FGF14: variants seen among roughly 807,000 people sequenced by gnomAD.
The protein encoded by FGF14 is fibroblast growth factor 14, also known as fibroblast growth factor homologous factor 4.
In FGF14, 5 loss-of-function variants were observed where a neutral mutation model predicts 25.5. The observed-to-expected ratio is 0.20, with a 90% CI of 0.10 to 0.41. The LOEUF (loss-of-function observed/expected upper bound fraction) is 0.41, where lower values mean the gene tolerates loss of function less well. Among genes scored for constraint, FGF14 ranks in the 10% least tolerant of loss-of-function variants. The probability of loss-of-function intolerance (pLI) is 1.00; values close to 1 mark genes in which losing one functional copy is unlikely to be tolerated. For synonymous variants in FGF14, 138 were observed against 118.3 expected (o/e 1.17, Z -1.08); for missense variants, 222 against 320.1 (o/e 0.69, Z 2.34).
At chr13:101,950,621 C>T (rs992566846) in intron 1 of FGF14, among the ~76,000 whole-genome samples, 12 of 152,152 alleles carry the variant, frequency 7.9e-5, no homozygotes, top group Non-Finnish European at 1.2e-4. Context: ...TTTGTGTAGT[C>T]ACAACTTCAA....
At position 102,329,750 on chromosome 13, in the gene FGF14, C is replaced by A. The variant is rs181375793; in HGVS notation, c.208+71721G>T. Among the ~76,000 whole-genome samples the A allele has an allele frequency of 3.8e-3, 582 of 152,186 alleles. 4 individuals carry two copies. Among genetic ancestry groups the A allele is most frequent in the African/African-American group, 0.013 (537 of 41,518 alleles). On this transcript the variant is annotated intron_variant, in intron 1 of 4. Transcript: ENST00000376131. ...CTAAGCACCCCTGCTCAGATCAACACCTCCTGTTTTCCACCTTACTCCTTT... is the reference window on the plus strand; with the variant it reads ...CTAAGCACCCCTGCTCAGATCAACAACTCCTGTTTTCCACCTTACTCCTTT...
chr13:102,384,138 A>G (rs1723501685), intron 1 of FGF14, among the ~76,000 whole-genome samples: 1 of 151,760 alleles, frequency 6.6e-6, no homozygotes, highest in South Asian at 2.1e-4. Flanking sequence ...TACATGATTT[A>G]TAATTTTTTT....
chr13:102,300,075 T>C (rs1317254516), intron 1 of FGF14: 1 of 152,212 alleles, frequency 6.6e-6, no homozygotes, highest in Non-Finnish European at 1.5e-5. Context: ...AATACACTTC[T>C]AGTTTCTGCT....
chr13:102,178,725 C>T (rs887690206), intron 1 of FGF14, among the ~76,000 whole-genome samples: 11 of 152,098 alleles, frequency 7.2e-5, no homozygotes, highest in African/African-American at 2.6e-4. Flanking sequence ...TGATTTCATT[C>T]TTTTTTGTGG....
chr13:102,233,299 T>G (rs958990933), intron 1 of FGF14, among the ~76,000 whole-genome samples: 1 of 152,022 alleles, frequency 6.6e-6, no homozygotes, highest in African/African-American at 2.4e-5. Flanking sequence ...ACCCGGCTAA[T>G]TTTTGTATTT....
At chr13:101,871,455 G>A (rs1235715097) in intron 2 of FGF14, among the ~76,000 whole-genome samples, 5 of 152,088 alleles carry the variant, frequency 3.3e-5, no homozygotes, top group Admixed American at 6.6e-5. Flanking sequence ...GAGAACTGCC[G>A]TCCTAAATCC....
intron 3 of FGF14, among the ~76,000 whole-genome samples, chr13:101,786,146 C>T (rs2039811467): frequency 1.3e-5 from 2 of 152,168 alleles, no homozygotes; most frequent in South Asian, 4.1e-4. Flanking sequence ...GGCAGTAAGA[C>T]ACCAGCTCAC....
chr13:101,754,219 G>C (rs2037493515), intron 3 of FGF14, among the ~76,000 whole-genome samples: 2 of 152,106 alleles, frequency 1.3e-5, no homozygotes. Flanking sequence ...GGTGCCGCAT[G>C]GTCACTGTTT....
At position 102,068,723 on chromosome 13, in the gene FGF14, G is replaced by A. The variant is rs541638781; in HGVS notation, c.209-193427C>T. ...GCTGCCTTCCCGCGGGGCAGGGCTC[G>A]GGACCTGCAGCCTGCCATGCCTGAG... On this transcript the variant is annotated intron_variant, in intron 1 of 4. Coordinates refer to the FGF14 transcript ENST00000376131. 7.0e-4 allele frequency among the ~76,000 whole-genome samples: 107 copies of A among 152,306 alleles called. No homozygotes were observed. In the South Asian group the frequency reaches 0.011, roughly 16 times the overall value.
At chr13:102,120,589 G>T (rs78579844) in intron 1 of FGF14, among the ~76,000 whole-genome samples, 1 of 152,078 alleles carries the variant, frequency 6.6e-6, no homozygotes, top group Non-Finnish European at 1.5e-5. Flanking sequence ...TCACAAAGAC[G>T]TCATCCAGAA....
In FGF14 at chr13:101,753,900, C is replaced by T. The variant is rs564618798; in HGVS notation, c.409-27090G>A. 5.9e-5 allele frequency among the ~76,000 whole-genome samples: 9 copies of T among 152,098 alleles called. No homozygotes were observed. In the South Asian group the frequency reaches 6.2e-4, roughly 11 times the overall value. On this transcript the variant is annotated intron_variant, in intron 3 of 4. Coordinates refer to ENST00000376143, the MANE Select transcript of FGF14 (RefSeq NM_004115.4). ...AAGCTCAAAAAACATCCTTTAAATG[C>T]CAGGCAAGGAGACCTATGTTTGAAG... is the stretch of plus-strand genomic sequence containing the variant.
At position 102,038,201 on chromosome 13, in the gene FGF14, G is replaced by T. The variant is rs1332558648; in HGVS notation, c.209-162905C>A. 6.6e-5 allele frequency among the ~76,000 whole-genome samples: 10 copies of T among 152,104 alleles called. No homozygotes were observed. In the East Asian group the frequency reaches 1.9e-3, roughly 29 times the overall value. ...ATCCATTCTAAAGCCAAATATGAAT[G>T]GGTTTGGATCAACCACCATTAAAAG... On this transcript the variant is annotated intron_variant, in intron 1 of 4. Transcript: ENST00000376131.
At chr13:102,378,384 T>C (rs2058090259) in intron 1 of FGF14, among the ~76,000 whole-genome samples, 1 of 152,150 alleles carries the variant, frequency 6.6e-6, no homozygotes, top group South Asian at 2.1e-4. Context: ...TCTTTAAAAA[T>C]TAAAAACTTC....
intron 1 of FGF14, among the ~76,000 whole-genome samples, chr13:102,099,141 T>C (rs2044540636): frequency 1.3e-5 from 2 of 151,956 alleles, no homozygotes; most frequent in South Asian, 2.1e-4. Context: ...CAGCTGAGGG[T>C]CTTCTCCAAT....
chr13:101,877,426 TAGAAGCCC>T (rs1277752816), intron 1 of FGF14, among the ~76,000 whole-genome samples: 1 of 152,074 alleles, frequency 6.6e-6, no homozygotes, highest in Non-Finnish European at 1.5e-5. Flanking sequence ...CCTTACTTAA[TAGAAGCCC>T]ACTTGGAGGA....
At chr13:102,114,623 G>A (rs2045381491) in intron 1 of FGF14, among the ~76,000 whole-genome samples, 1 of 152,108 alleles carries the variant, frequency 6.6e-6, no homozygotes, top group Non-Finnish European at 1.5e-5. Context: ...ATAAAGTGTG[G>A]TGCACATATA....
chr13:101,942,717 T>C (rs2035535482), intron 1 of FGF14, among the ~76,000 whole-genome samples: 1 of 152,214 alleles, frequency 6.6e-6, no homozygotes, highest in African/African-American at 2.4e-5. Flanking sequence ...AAGAAGTAGC[T>C]AAACTAGAAA....
At chr13:101,945,228 G>T (rs2035727504) in intron 1 of FGF14, among the ~76,000 whole-genome samples, 1 of 152,128 alleles carries the variant, frequency 6.6e-6, no homozygotes, top group African/African-American at 2.4e-5. Flanking sequence ...TGAGGCAGGA[G>T]AATCACTTGA....
At chr13:101,964,291 ATTGT>A (rs10592715) in intron 1 of FGF14, among the ~76,000 whole-genome samples, 21,329 of 152,162 alleles carry the variant, frequency 0.14, 1,900 homozygotes, top group East Asian at 0.29. Context: ...GTTTTCATGT[ATTGT>A]TTGACAAACA....
Sources: allele counts gnomAD v4.1 joint callset (sites outside exome capture counted in the v4.1 genomes callset), GRCh38; gene constraint gnomAD v4.1.1; transcripts MANE v1.5; gene names NCBI Gene and HGNC (gene_info 2026-07-23, HGNC 2026-07-21).